The following CEP126 variants were observed in gnomAD, a reference collection of about 807,000 sequenced individuals.
CEP126 encodes the protein centrosomal protein of 126 kDa.
CEP126 carries 74 observed loss-of-function variants against 107.8 expected under a neutral mutation model. That is an observed-to-expected ratio of 0.69 (90% confidence interval 0.57 to 0.83). The LOEUF is 0.83. Ranked by LOEUF, CEP126 falls within the 40% of genes least tolerant of loss-of-function variation. The pLI is 0.00. For synonymous variants in CEP126, 449 were observed against 446.0 expected, an observed-to-expected ratio of 1.01 and a Z score of -0.08; for missense variants, 1,237 against 1,281.9, an observed-to-expected ratio of 0.96 and a Z score of 0.53.
chr11:101,989,776 G>A (rs944464677), intron 9 of CEP126, among the ~76,000 whole-genome samples: 7 of 152,024 alleles, frequency 4.6e-5, no homozygotes, highest in African/African-American at 7.2e-5. Flanking sequence ...TGACTAACTC[G>A]GTGAAACCCC....
intron 5 of CEP126, among the ~76,000 whole-genome samples, chr11:101,959,174 T>G (rs1266676899): frequency 6.6e-6 from 1 of 152,038 alleles, no homozygotes; most frequent in African/African-American, 2.4e-5. Context: ...TTTCTTTTTT[T>G]TGAGATGGAG....
intron 10 of CEP126, 75 bp downstream of exon 10, chr11:101,992,917 G>T: frequency 7.7e-7 from 1 of 1,293,694 alleles, no homozygotes. Flanking sequence ...ATACAGGTAA[G>T]AACCCCGTAT....
chr11:101,977,933 A>C (rs761140135), intron 6 of CEP126, among the ~76,000 whole-genome samples: 14 of 152,216 alleles, frequency 9.2e-5, no homozygotes, highest in Non-Finnish European at 1.9e-4. Flanking sequence ...AGTTTACTTC[A>C]TGCATTACAT....
intron 6 of CEP126, among the ~76,000 whole-genome samples, chr11:101,971,300 T>A (rs1941124928): frequency 6.6e-6 from 1 of 150,486 alleles, no homozygotes; most frequent in Non-Finnish European, 1.5e-5. Context: ...AAACTCTGAA[T>A]AACAACAGAT....
At chr11:101,981,725 TATA>T in intron 7 of CEP126, among the ~76,000 whole-genome samples, 161 bp from the exon 8 acceptor site, 1 of 152,214 alleles carries the variant, frequency 6.6e-6, no homozygotes, top group East Asian at 1.9e-4. Flanking sequence ...AATTCTTTAT[TATA>T]ATAATTCTTG....
At chr11:101,935,715 C>T (rs569942031) in intron 2 of CEP126, among the ~76,000 whole-genome samples, 84 of 152,114 alleles carry the variant, frequency 5.5e-4, no homozygotes, top group African/African-American at 1.9e-3. Flanking sequence ...ATTATTGTAG[C>T]ATTATAGCAG....
In CEP126 at chr11:101,915,149, G is replaced by C. The variant is rs756252505; in HGVS notation, c.-136G>C. 328 of 1,367,158 alleles carry C rather than the reference G, an allele frequency of 2.4e-4. No individual in the cohort carries two copies. The highest frequency in any genetic ancestry group is 3.2e-4 in the Non-Finnish European group (323 of 1,003,418). 84.7% of individuals were successfully genotyped at this position (1,367,158 alleles called of 1,614,324 possible). A position where few individuals can be genotyped will look rare whatever the true frequency, so the allele number is the denominator to read the frequency against. Reference sequence around the variant, plus strand: ...GCTGCGCGGGAGCTAGGGCTGTCGAGGCCAACCCTTCCGCGCCCGTGACGC... The same window carrying C: ...GCTGCGCGGGAGCTAGGGCTGTCGACGCCAACCCTTCCGCGCCCGTGACGC... On this transcript the variant is annotated 5_prime_UTR_variant, in exon 1 of 11. Transcript: ENST00000263468.
chr11:101,937,821 C>A (rs897127695), intron 2 of CEP126, among the ~76,000 whole-genome samples: 6 of 151,720 alleles, frequency 4.0e-5, no homozygotes, highest in Non-Finnish European at 7.4e-5. Flanking sequence ...ATTTTATTTT[C>A]TTTTGTGTCG....
At chr11:101,949,939 G>T (rs2137100662) in intron 4 of CEP126, among the ~76,000 whole-genome samples, 1 of 152,278 alleles carries the variant, frequency 6.6e-6, no homozygotes, top group African/African-American at 2.4e-5. Context: ...CAGCAGGGAG[G>T]AAGTCAGAGG....
rs1459552108 is a variant in CEP126, at chr11:101,915,331, G to T, written c.47G>T (p.Gly16Val). 1.1e-5 allele frequency: 18 copies of T among 1,613,980 alleles called. No homozygotes were observed. Among genetic ancestry groups the T allele is most frequent in the Non-Finnish European group, 1.5e-5 (18 of 1,180,006 alleles). ...ACCCGGAGCGCGGTCGGGGAACTGG[G>T]CACTGAATCATCGGACAACCTCGAC... is the stretch of plus-strand genomic sequence containing the variant. ...PGTRSAVGEL[G>V]TESSDNLDRA... The change falls in exon 1 of 11, where the codon GGC (glycine) becomes GTC (valine). Residue 16 changes from glycine (G) to valine (V), a missense_variant. Gly to Val is a moderately radical substitution (Grantham distance 109, BLOSUM62 -3). Around this residue, in one of 3 missense-constraint regions of CEP126, gnomAD observed 1,134 missense variants for 1,150.5 expected, o/e 0.99. Transcript: ENST00000263468.
At position 101,915,106 on chromosome 11, in the gene CEP126, G is replaced by A. The variant is rs57569155; in HGVS notation, c.-179G>A. 0.033 allele frequency: 30,421 copies of A among 912,348 alleles called. 636 individuals carry two copies. The highest frequency in any genetic ancestry group is 0.073 in the African/African-American group (4,360 of 59,342). 56.5% of individuals were successfully genotyped at this position (912,348 alleles called of 1,614,324 possible). ...CGCCGCTGCCTCAGCTGCCATCGCC[G>A]CTACAGGCACCAGTGCCGCTGCGCG... On this transcript the variant is annotated 5_prime_UTR_variant, in exon 1 of 11. Coordinates refer to ENST00000263468, the MANE Select transcript of CEP126 (RefSeq NM_020802.4).
At chr11:101,921,777 C>CTTTTTTTTT (rs747642967) in intron 1 of CEP126, among the ~76,000 whole-genome samples, 23 of 55,012 alleles carry the variant, frequency 4.2e-4, no homozygotes, top group South Asian at 7.4e-4. Flanking sequence ...TTCATGATTT[C>CTTTTTTTTT]TTTTTTTTTT....
chr11:101,995,130 C>T (rs1941428058), intron 10 of CEP126, among the ~76,000 whole-genome samples: 1 of 152,138 alleles, frequency 6.6e-6, no homozygotes. Context: ...AGTGTTAAAA[C>T]TAGACATTAC....
rs1455504023 is a variant in CEP126, at chr11:101,998,402, CT to C, written c.*760del. On this transcript the variant is annotated 3_prime_UTR_variant, in exon 11 of 11. Coordinates refer to ENST00000263468, the MANE Select transcript of CEP126 (RefSeq NM_020802.4). Reference sequence around the variant, plus strand: ...GAGTTCGTGACCAGCCTGGGCAACCCTGTCTCTACAAAAAATACAAAAATTA... The same window carrying C: ...GAGTTCGTGACCAGCCTGGGCAACCCGTCTCTACAAAAAATACAAAAATTA... 2.0e-5 allele frequency: 3 copies of C among 151,812 alleles called. No homozygotes were observed. The highest frequency in any genetic ancestry group is 7.3e-5 in the African/African-American group (3 of 41,290). 9.4% of individuals were successfully genotyped at this position (151,812 alleles called of 1,614,324 possible).
chr11:101,961,189 G>A (rs1940963902), intron 5 of CEP126, among the ~76,000 whole-genome samples: 1 of 151,934 alleles, frequency 6.6e-6, no homozygotes, highest in South Asian at 2.1e-4. Flanking sequence ...CAGGACCCAG[G>A]TATAGATATT....
intron 1 of CEP126, among the ~76,000 whole-genome samples, chr11:101,915,700 G>A (rs1940195431): frequency 6.6e-6 from 1 of 152,100 alleles, no homozygotes; most frequent in African/African-American, 2.4e-5. Flanking sequence ...ATTCTGTGGG[G>A]ATATTTTTAT....
At chr11:101,929,516 A>T (rs1023241124) in intron 2 of CEP126, among the ~76,000 whole-genome samples, 6 of 152,134 alleles carry the variant, frequency 3.9e-5, no homozygotes, top group African/African-American at 1.4e-4. Context: ...CCAGCTTCTC[A>T]CGTGGTCTCC....
chr11:101,930,438 G>C (rs572565035), intron 2 of CEP126, among the ~76,000 whole-genome samples: 1 of 151,926 alleles, frequency 6.6e-6, no homozygotes, highest in Non-Finnish European at 1.5e-5. Context: ...TCGTGGTCTC[G>C]CTGACTTCAG....
Position 101,942,563 on chromosome 11 carries a change from GTT to G in CEP126, c.249-1690_249-1689del, listed in dbSNP as rs35795661. On this transcript the variant is annotated intron_variant, in intron 2 of 10. Transcript: ENST00000263468. The stretch of plus-strand genomic sequence containing the variant: ...AGGGTGAAACATTCCGTTTGGGGTG[GTT>G]TTTTTTTTTTTCAGTATTATTTTGG... Among the ~76,000 whole-genome samples the G allele has an allele frequency of 1.6e-4, 22 of 140,054 alleles. No individual in the cohort carries two copies. In the East Asian group the frequency reaches 4.0e-3, roughly 26 times the overall value. 91.9% of individuals were successfully genotyped at this position (140,054 alleles called of 152,430 possible).
Sources: allele counts gnomAD v4.1 joint callset (sites outside exome capture counted in the v4.1 genomes callset), GRCh38; gene constraint gnomAD v4.1.1; regional missense constraint gnomAD v4.1.1; transcripts MANE v1.5; gene names NCBI Gene and HGNC (gene_info 2026-07-23, HGNC 2026-07-21).